KLHL5: variants seen among roughly 807,000 people sequenced by gnomAD.
KLHL5 encodes the protein kelch-like protein 5.
In KLHL5, 48 loss-of-function variants were observed where a neutral mutation model predicts 77.7. That is an observed-to-expected ratio of 0.62 (90% CI 0.49 to 0.79). The LOEUF (loss-of-function observed/expected upper bound fraction) is 0.79. Among genes scored for constraint, KLHL5 ranks in the 30% least tolerant of loss-of-function variants. The pLI is 0.00. For missense variants in KLHL5, 723 were observed against 859.7 expected (o/e 0.84, Z 1.99); for synonymous variants, 260 against 297.0 (o/e 0.88, Z 1.28).
At chr4:39,068,821 G>A (rs1718140170) in intron 1 of KLHL5, among the ~76,000 whole-genome samples, 1 of 152,032 alleles carries the variant, frequency 6.6e-6, no homozygotes. Flanking sequence ...TGAAAACAAT[G>A]GTATGTACAT....
chr4:39,113,072 T>A lies in KLHL5; in HGVS notation c.1741T>A (p.Cys581Ser). ...AAGTTCTTGTCTCAAATCAGTAGAA[T>A]GTTTTGATCCTCATACTAATAAGTG... ...DGSSCLKSVE[C>S]FDPHTNKWTL... Residue 581 changes from cysteine to serine, a missense_variant, in exon 9 of 11, where the codon TGT becomes AGT. By Grantham distance (112) the Cys-to-Ser change is moderately radical. Transcript: ENST00000504108. 6.2e-7 allele frequency: 1 copy of A among 1,614,048 alleles called. No individual in the cohort carries two copies. The highest frequency in any genetic ancestry group is 8.5e-7 in the Non-Finnish European group (1 of 1,179,964).
chr4:39,066,812 A>G (rs763399635), intron 1 of KLHL5, among the ~76,000 whole-genome samples: 23 of 152,232 alleles, frequency 1.5e-4, no homozygotes, highest in Non-Finnish European at 2.5e-4. Flanking sequence ...GGTTGCTGCT[A>G]TTATCAACCT....
At chr4:39,091,798 G>A (rs575545688) in intron 5 of KLHL5, among the ~76,000 whole-genome samples, 1 of 147,718 alleles carries the variant, frequency 6.8e-6, no homozygotes, top group African/African-American at 2.5e-5. Flanking sequence ...AGCCTCTCGA[G>A]TAGCTGAGAC....
At chr4:39,107,156 T>A (rs1026412226) in intron 7 of KLHL5, among the ~76,000 whole-genome samples, 1 of 151,542 alleles carries the variant, frequency 6.6e-6, no homozygotes, top group Non-Finnish European at 1.5e-5. Context: ...CAAGCGATCC[T>A]CCTGCCTCAG....
chr4:39,084,065 AT>A, intron 4 of KLHL5, among the ~76,000 whole-genome samples: 1 of 152,360 alleles, frequency 6.6e-6, no homozygotes, highest in South Asian at 2.1e-4. Context: ...ATTTAAATAA[AT>A]CCCTCCGTAA....
At chr4:39,127,432 G>T (rs34771104), downstream of KLHL5, among the ~76,000 whole-genome samples, 79,650 of 151,810 alleles carry the variant, frequency 0.52, 21,495 homozygotes, top group Non-Finnish European at 0.59. Flanking sequence ...AAATTTGGGG[G>T]TTTTTTGTTT....
the KLHL5 span, among the ~76,000 whole-genome samples, chr4:39,139,954 C>T: frequency 2.6e-5 from 4 of 152,050 alleles, no homozygotes; most frequent in Non-Finnish European, 5.9e-5. Context: ...AGGCTGGGCG[C>T]GGTGGCTCAC....
intron 1 of KLHL5, among the ~76,000 whole-genome samples, chr4:39,073,651 T>G (rs894557389): frequency 2.0e-5 from 3 of 151,818 alleles, no homozygotes; most frequent in African/African-American, 4.8e-5. Flanking sequence ...TTTTATTTAT[T>G]TATTTATTTT....
chr4:39,133,227 C>G, the KLHL5 span, among the ~76,000 whole-genome samples: 2 of 152,040 alleles, frequency 1.3e-5, no homozygotes, highest in Non-Finnish European at 2.9e-5. Context: ...TGGTTGTTTG[C>G]TGATACTGCA....
chr4:39,069,535 C>CATAT lies in KLHL5; in HGVS notation c.384-6400_384-6397dup, dbSNP rs60163692. Among the ~76,000 whole-genome samples, 993 of 136,060 alleles carry CATAT rather than the reference C, an allele frequency of 7.3e-3. 10 individuals carry two copies. Among genetic ancestry groups the CATAT allele is most frequent in the African/African-American group, 0.019 (665 of 35,286 alleles). The allele number at this position is 136,060 out of a possible 152,430, so 89.3% of individuals were successfully genotyped here. A position where few individuals can be genotyped will look rare whatever the true frequency, so the allele number is the denominator to read the frequency against. On this transcript the variant is annotated intron_variant, in intron 1 of 10. Transcript: ENST00000504108. ...TTATACTATTTTTATACTTTTTTAC[C>CATAT]ATATATATATATATATATATATATA...
At chr4:39,078,152 C>G (rs556523000) in intron 2 of KLHL5, among the ~76,000 whole-genome samples, 103 of 152,230 alleles carry the variant, frequency 6.8e-4, no homozygotes, top group African/African-American at 2.4e-3. Flanking sequence ...CTTTGGGAGG[C>G]TGAGGCAGGT....
chr4:39,126,817 G>A (rs920273403), downstream of KLHL5: 31 of 436,658 alleles, frequency 7.1e-5, no homozygotes, highest in Non-Finnish European at 1.1e-4. Flanking sequence ...ATCTAAAGCC[G>A]GCATCTTGTA....
At chr4:39,141,758 C>A in the KLHL5 span, among the ~76,000 whole-genome samples, 2 of 151,424 alleles carry the variant, frequency 1.3e-5, no homozygotes, top group African/African-American at 2.4e-5. Context: ...GGCAACATAG[C>A]AAGACACTGT....
intron 1 of KLHL5, among the ~76,000 whole-genome samples, chr4:39,069,430 TTATATATATATATATATATATATATATA>T (rs60740721): frequency 3.3e-5 from 1 of 30,508 alleles, no homozygotes; most frequent in Non-Finnish European, 6.8e-5. Flanking sequence ...TATTAACATT[TTATATATATATATATATATATATATATA>T]TATATATATA....
upstream of KLHL5, chr4:39,044,949 G>C (rs2110092956): frequency 4.4e-6 from 4 of 910,762 alleles, no homozygotes; most frequent in South Asian, 1.6e-4. Context: ...CCGGCGCCGG[G>C]GATGAGGCTG....
At chr4:39,069,721 A>C (rs1456666199) in intron 1 of KLHL5, among the ~76,000 whole-genome samples, 1 of 151,948 alleles carries the variant, frequency 6.6e-6, no homozygotes, top group African/African-American at 2.4e-5. Context: ...TAAAATAAAA[A>C]TCTCAATCTT....
At chr4:39,079,046 G>A (rs991622361) in intron 2 of KLHL5, among the ~76,000 whole-genome samples, 2 of 152,126 alleles carry the variant, frequency 1.3e-5, no homozygotes, top group South Asian at 2.1e-4. Context: ...GGTTATGAAC[G>A]TGGGTTTGTT....
chr4:39,062,208 A>G (rs946869576), upstream of KLHL5: 1 of 1,115,590 alleles, frequency 9.0e-7, no homozygotes, highest in African/African-American at 1.6e-5. Context: ...AAGAGTTAAT[A>G]TACTAAGCAG....
chr4:39,139,409 C>T, the KLHL5 span, among the ~76,000 whole-genome samples: 1 of 151,824 alleles, frequency 6.6e-6, no homozygotes, highest in African/African-American at 2.4e-5. Flanking sequence ...GATGAGCAGA[C>T]AGAGCACAGG....
Sources: gnomAD v4.1 joint callset for allele counts (sites outside exome capture counted in the v4.1 genomes callset) on GRCh38, gnomAD v4.1.1 for gene constraint, MANE v1.5 for transcripts, NCBI Gene and HGNC (gene_info 2026-07-23, HGNC 2026-07-21) for gene names.